The following RIPOR3 variants were observed in gnomAD, a reference collection of about 807,000 sequenced individuals.
The protein encoded by RIPOR3 is RIPOR family member 3.
Under a neutral mutation model 114.3 loss-of-function variants are expected in RIPOR3, and 95 were observed. The ratio of observed to expected loss-of-function variants is 0.83; its 90% CI spans 0.70 to 0.99. The LOEUF is 0.99. Ranked by LOEUF, RIPOR3 falls within the 50% of genes least tolerant of loss-of-function variation. The pLI, the probability that RIPOR3 is intolerant of heterozygous loss-of-function variation, is 0.00. For synonymous variants in RIPOR3, 575 were observed against 543.8 expected, an observed-to-expected ratio of 1.06 and a Z score of -0.80; for missense variants, 1,252 against 1,266.9, an observed-to-expected ratio of 0.99 and a Z score of 0.18.
At chr20:50,659,313 T>C (rs999484360) in intron 1 of RIPOR3, among the ~76,000 whole-genome samples, 1 of 152,028 alleles carries the variant, frequency 6.6e-6, no homozygotes, top group South Asian at 2.1e-4. Context: ...TCCTCCTGAA[T>C]GAACCAGAAA....
chr20:50,599,403 GA>G lies in RIPOR3; in HGVS notation c.1660-1694del, dbSNP rs576479317. ...TGAGACTCCGTCTCCAAAAAAAAAG[GA>G]AAAAAAAAAGCTATTTTTGATTCAT... On this transcript the variant is annotated intron_variant, in intron 13 of 21. Coordinates refer to ENST00000327979, the MANE Select transcript of RIPOR3 (RefSeq NM_001290268.2). Among the ~76,000 whole-genome samples the G allele has an allele frequency of 4.6e-3, 678 of 147,242 alleles. 6 individuals carry two copies. Among genetic ancestry groups the G allele is most frequent in the Middle Eastern group, 0.017 (5 of 290 alleles).
chr20:50,690,761 C>A (rs867218547), intron 1 of RIPOR3, among the ~76,000 whole-genome samples: 2 of 152,158 alleles, frequency 1.3e-5, no homozygotes, highest in Non-Finnish European at 2.9e-5. Flanking sequence ...ATAATACTTA[C>A]CCTGCAGGGG....
Position 50,608,596 on chromosome 20 carries a change from C to T in RIPOR3, c.810+17G>A, listed in dbSNP as rs1212908938. The stretch of plus-strand genomic sequence containing the variant: ...ACACCCAGGCACCCCAGCCCTGCCC[C>T]CGGGCCCCATCCCCACCTTGATGTC... On this transcript the variant is annotated intron_variant, in intron 10 of 21. Coordinates refer to ENST00000327979, the MANE Select transcript of RIPOR3 (RefSeq NM_001290268.2). 1.9e-6 allele frequency: 3 copies of T among 1,613,764 alleles called. No homozygotes were observed. The African/African-American group carries it at 4.0e-5, about 22-fold the overall frequency.
chr20:50,597,832 A>C, intron 13 of RIPOR3, 122 bp from the exon 14 acceptor site: 1 of 1,405,802 alleles, frequency 7.1e-7, no homozygotes, highest in Non-Finnish European at 9.5e-7. Context: ...AATCCCACAC[A>C]CCGTCCCCCA....
chr20:50,635,379 C>G (rs1421346439), intron 1 of RIPOR3, among the ~76,000 whole-genome samples: 2 of 152,166 alleles, frequency 1.3e-5, no homozygotes, highest in Non-Finnish European at 2.9e-5. Flanking sequence ...TCATGCCAGG[C>G]GTGGCGACTC....
intron 11 of RIPOR3, among the ~76,000 whole-genome samples, chr20:50,606,557 T>G (rs1264168517): frequency 6.6e-6 from 1 of 152,102 alleles, no homozygotes; most frequent in African/African-American, 2.4e-5. Flanking sequence ...TCCCTCTATC[T>G]GCATAGGGCG....
chr20:50,614,864 G>C (rs1223805511), intron 4 of RIPOR3: 1 of 167,652 alleles, frequency 6.0e-6, no homozygotes, highest in African/African-American at 2.4e-5. Flanking sequence ...TTTGAGACCA[G>C]CTTGGCCAAC....
chr20:50,690,119 G>A (rs1254175770), intron 1 of RIPOR3, among the ~76,000 whole-genome samples: 3 of 152,212 alleles, frequency 2.0e-5, no homozygotes, highest in African/African-American at 7.2e-5. Context: ...ATTAATATGT[G>A]ATTCCCCCCA....
chr20:50,619,428 G>A (rs2065401), intron 3 of RIPOR3, among the ~76,000 whole-genome samples: 2,211 of 144,072 alleles, frequency 0.015, 58 homozygotes, highest in African/African-American at 0.057. Context: ...GCAACAGAGC[G>A]AGACTCCATC....
chr20:50,604,418 C>T (rs1404772863), intron 12 of RIPOR3, among the ~76,000 whole-genome samples: 1 of 152,144 alleles, frequency 6.6e-6, no homozygotes, highest in African/African-American at 2.4e-5. Flanking sequence ...ATCCAGAGAG[C>T]CCACTGCAGA....
rs369475588 is a variant in RIPOR3 at position 50,604,630 on chromosome 20, G to A, written c.1086+15C>T. 3 of 1,600,884 alleles carry A rather than the reference G, an allele frequency of 1.9e-6. No individual in the cohort carries two copies. The African/African-American group carries it at 4.1e-5, about 22-fold the overall frequency. ...GGGTGACCACAGCGGCCCTGCCCCG[G>A]GAAGGCTCACTCACCAGGTAGTATC... On this transcript the variant is annotated intron_variant, in intron 12 of 21. Transcript: ENST00000327979.
intron 1 of RIPOR3, among the ~76,000 whole-genome samples, chr20:50,659,313 T>A (rs999484360): frequency 2.0e-5 from 3 of 152,028 alleles, no homozygotes; most frequent in Admixed American, 2.0e-4. Flanking sequence ...TCCTCCTGAA[T>A]GAACCAGAAA....
At chr20:50,671,424 GCGCGCACACACACACA>G (rs1396588389) in intron 1 of RIPOR3, among the ~76,000 whole-genome samples, 22 of 91,242 alleles carry the variant, frequency 2.4e-4, no homozygotes, top group African/African-American at 5.5e-4. Flanking sequence ...GTGCACGCGC[GCGCGCACACACACACA>G]CACACACACA....
At chr20:50,656,720 G>A (rs1288296827) in intron 1 of RIPOR3, among the ~76,000 whole-genome samples, 2 of 152,024 alleles carry the variant, frequency 1.3e-5, no homozygotes, top group Admixed American at 6.6e-5. Flanking sequence ...GGCTGGTCTC[G>A]AACTCCTGAC....
Position 50,608,514 on chromosome 20 carries a change from C to T in RIPOR3, c.831G>A (p.Leu277=). The T allele has an allele frequency of 6.2e-7, 1 of 1,613,874 alleles. No individual in the cohort carries two copies. Among genetic ancestry groups the T allele is most frequent in the East Asian group, 2.2e-5 (1 of 44,876 alleles). Residue 277 remains leucine, a synonymous_variant, in exon 11 of 22, where the codon CTG becomes CTA. Coordinates refer to ENST00000327979, the MANE Select transcript of RIPOR3 (RefSeq NM_001290268.2). ...LDIKVTELRG[L]GSLAVGAVTC... ...TCACTGCACCCACAGCCAGCGAGCC[C>T]AGGCCCCGCAACTCCGTCACCTGGG...
At position 50,642,500 on chromosome 20, in the gene RIPOR3, G is replaced by T. The variant is rs2085240034; in HGVS notation, c.4-11644C>A. ...GCTTTCTGGTCTCTAAGATTAAGTTGCTAATCTGTTAACCACTGGTGTTTA... is the reference window on the plus strand; with the variant it reads ...GCTTTCTGGTCTCTAAGATTAAGTTTCTAATCTGTTAACCACTGGTGTTTA... On this transcript the variant is annotated intron_variant, in intron 1 of 21. Coordinates refer to ENST00000327979, the MANE Select transcript of RIPOR3 (RefSeq NM_001290268.2). Among the ~76,000 whole-genome samples the T allele has an allele frequency of 2.6e-5, 4 of 151,850 alleles. No individual in the cohort carries two copies. In the South Asian group the frequency reaches 8.3e-4, roughly 32 times the overall value.
intron 1 of RIPOR3, among the ~76,000 whole-genome samples, chr20:50,663,911 TTC>T (rs1191441114): frequency 1.4e-5 from 2 of 141,190 alleles, no homozygotes; most frequent in Non-Finnish European, 1.5e-5. Flanking sequence ...ATATATTACT[TTC>T]TCTCTCTCTC....
chr20:50,629,567 GGCCCGGCCAGC>G (rs1160384664), intron 2 of RIPOR3, among the ~76,000 whole-genome samples: 1 of 152,166 alleles, frequency 6.6e-6, no homozygotes, highest in Non-Finnish European at 1.5e-5. Flanking sequence ...GGCAGGGCCT[GGCCCGGCCAGC>G]ACCCCCAGGG....
rs548752320 is a variant in RIPOR3, at chr20:50,644,121, A to C, written c.4-13265T>G. 1.5e-3 allele frequency among the ~76,000 whole-genome samples: 233 copies of C among 152,128 alleles called. 2 individuals carry two copies. Among genetic ancestry groups the C allele is most frequent in the African/African-American group, 5.4e-3 (225 of 41,524 alleles). ...GGCAACAGAATGAGACCACATCTCTAAAAAAATTTAAAAATAAATAAAAAA... is the reference window on the plus strand; with the variant it reads ...GGCAACAGAATGAGACCACATCTCTCAAAAAATTTAAAAATAAATAAAAAA... On this transcript the variant is annotated intron_variant, in intron 1 of 21. Transcript: ENST00000327979.
Sources: gnomAD v4.1 joint callset for allele counts (sites outside exome capture counted in the v4.1 genomes callset) on GRCh38, gnomAD v4.1.1 for gene constraint, MANE v1.5 for transcripts, NCBI Gene and HGNC (gene_info 2026-07-23, HGNC 2026-07-21) for gene names.